NKAIN2: variants seen among roughly 807,000 people sequenced by gnomAD.
NKAIN2 encodes sodium/potassium-transporting ATPase subunit beta-1-interacting protein 2.
A neutral mutation model predicts 32.6 loss-of-function variants in NKAIN2; 14 were observed. That is an observed-to-expected ratio of 0.43 (90% confidence interval 0.28 to 0.67). The LOEUF is 0.67. Among genes scored for constraint, NKAIN2 ranks in the 30% least tolerant of loss-of-function variants. The pLI is 0.17. For missense variants in NKAIN2, 198 were observed against 258.3 expected (o/e 0.77, Z 1.60); for synonymous variants, 80 against 87.2 (o/e 0.92, Z 0.46).
At chr6:124,766,984 T>A (rs9372793) in intron 4 of NKAIN2, among the ~76,000 whole-genome samples, 54,562 of 151,936 alleles carry the variant, frequency 0.36, 10,412 homozygotes, top group East Asian at 0.72. Context: ...AACCTCTGCC[T>A]CCCTGGTTCA....
chr6:123,898,761 TC>T (rs1774411568), intron 1 of NKAIN2, among the ~76,000 whole-genome samples: 1 of 152,124 alleles, frequency 6.6e-6, no homozygotes, highest in Non-Finnish European at 1.5e-5. Flanking sequence ...TAAATTCCTG[TC>T]TTTGGTATTA....
Position 124,798,300 on chromosome 6 carries a change from T to C in NKAIN2, c.535+6901T>C, listed in dbSNP as rs114563523. On this transcript the variant is annotated intron_variant, in intron 5 of 6. Coordinates refer to ENST00000368417, the MANE Select transcript of NKAIN2 (RefSeq NM_001040214.3). ...GAATTGTGAGAAGAATATGTTTATT[T>C]TACTTATCTGGCATCATACTGAAGC... is the stretch of plus-strand genomic sequence containing the variant. Among the ~76,000 whole-genome samples the C allele has an allele frequency of 5.4e-3, 815 of 152,298 alleles. 6 individuals are homozygous for C. The highest frequency in any genetic ancestry group is 0.019 in the African/African-American group (771 of 41,564).
intron 3 of NKAIN2, among the ~76,000 whole-genome samples, chr6:124,499,787 A>G (rs1052671374): frequency 4.6e-5 from 7 of 152,296 alleles, no homozygotes; most frequent in Admixed American, 6.5e-5. Flanking sequence ...GGAATTCCCA[A>G]TACTGCAATT....
chr6:124,556,033 T>C (rs184005474), intron 3 of NKAIN2, among the ~76,000 whole-genome samples: 13 of 151,016 alleles, frequency 8.6e-5, no homozygotes, highest in Admixed American at 5.9e-4. Context: ...CATAAAAACT[T>C]CTTCCAATTC....
intron 3 of NKAIN2, among the ~76,000 whole-genome samples, chr6:124,374,576 A>G (rs552491787): frequency 1.3e-5 from 2 of 152,256 alleles, no homozygotes; most frequent in South Asian, 4.1e-4. Context: ...GACTAGCGAG[A>G]AAGCTTATTT....
chr6:124,741,248 A>G (rs1214960514), intron 4 of NKAIN2, among the ~76,000 whole-genome samples: 17 of 151,672 alleles, frequency 1.1e-4, no homozygotes, highest in Non-Finnish European at 1.5e-5. Context: ...GGATATATTG[A>G]TCTGAGTTCA....
At chr6:123,985,095 C>G (rs1779075191) in intron 1 of NKAIN2, among the ~76,000 whole-genome samples, 1 of 151,972 alleles carries the variant, frequency 6.6e-6, no homozygotes, top group Non-Finnish European at 1.5e-5. Context: ...AGCATAAATT[C>G]TACTGGTAAA....
chr6:124,018,034 T>A (rs143348882), intron 1 of NKAIN2, among the ~76,000 whole-genome samples: 28 of 152,332 alleles, frequency 1.8e-4, no homozygotes, highest in African/African-American at 6.5e-4. Context: ...CCTGGACATT[T>A]AGGCATTTCC....
chr6:124,647,410 G>C (rs1393530733), intron 3 of NKAIN2, among the ~76,000 whole-genome samples: 2 of 140,592 alleles, frequency 1.4e-5, no homozygotes, highest in African/African-American at 2.6e-5. Context: ...AGCCAGACGT[G>C]CTCACTTGAA....
intron 2 of NKAIN2, among the ~76,000 whole-genome samples, chr6:124,340,405 G>T (rs1387367175): frequency 6.6e-6 from 1 of 151,916 alleles, no homozygotes; most frequent in East Asian, 1.9e-4. Flanking sequence ...AGGTTCATGG[G>T]TGCACGTAAA....
intron 1 of NKAIN2, among the ~76,000 whole-genome samples, chr6:124,221,519 C>A (rs1055131034): frequency 6.6e-6 from 1 of 151,656 alleles, no homozygotes; most frequent in East Asian, 1.9e-4. Flanking sequence ...AACTAACCTG[C>A]ACAATGTGCA....
intron 1 of NKAIN2, among the ~76,000 whole-genome samples, chr6:123,910,591 C>CCTCTCAGG (rs1485546691): frequency 6.7e-6 from 1 of 149,646 alleles, no homozygotes; most frequent in African/African-American, 2.5e-5. Context: ...GCAACCTCCG[C>CCTCTCAGG]CTCTCAGGTT....
intron 1 of NKAIN2, among the ~76,000 whole-genome samples, chr6:123,809,475 G>T (rs917389947): frequency 1.3e-5 from 2 of 152,100 alleles, no homozygotes; most frequent in Non-Finnish European, 2.9e-5. Flanking sequence ...GAAGGAACAA[G>T]ATAAACTTCT....
intron 3 of NKAIN2, among the ~76,000 whole-genome samples, chr6:124,566,272 T>C (rs978454989): frequency 2.6e-5 from 4 of 152,358 alleles, no homozygotes; most frequent in Admixed American, 1.3e-4. Context: ...GTAGAGATAT[T>C]GGTCTACTTC....
At chr6:124,488,343 C>T (rs902424450) in intron 3 of NKAIN2, among the ~76,000 whole-genome samples, 14 of 151,934 alleles carry the variant, frequency 9.2e-5, no homozygotes, top group South Asian at 6.2e-4. Context: ...AAGCCATAAC[C>T]GTATCCAGGC....
At chr6:124,019,788 G>A (rs1046398377) in intron 1 of NKAIN2, among the ~76,000 whole-genome samples, 13 of 151,946 alleles carry the variant, frequency 8.6e-5, no homozygotes, top group Non-Finnish European at 8.8e-5. Context: ...GTCTGAAACT[G>A]TAACAAATTC....
chr6:124,355,667 C>A (rs139151308), intron 3 of NKAIN2, among the ~76,000 whole-genome samples: 1 of 152,146 alleles, frequency 6.6e-6, no homozygotes, highest in East Asian at 1.9e-4. Flanking sequence ...TTGAAGATTT[C>A]TGAAATCACT....
chr6:124,657,065 T>C (rs1036860493), intron 3 of NKAIN2, among the ~76,000 whole-genome samples: 2 of 152,220 alleles, frequency 1.3e-5, no homozygotes, highest in Non-Finnish European at 2.9e-5. Flanking sequence ...CCAAAGAAGT[T>C]CTACTTGCAA....
intron 1 of NKAIN2, among the ~76,000 whole-genome samples, chr6:123,834,003 G>T (rs529058651): frequency 6.6e-5 from 10 of 152,146 alleles, no homozygotes; most frequent in Non-Finnish European, 1.3e-4. Context: ...TGGGATTACA[G>T]GTTTGAGCCA....
Sources: allele counts gnomAD v4.1 joint callset (sites outside exome capture counted in the v4.1 genomes callset), GRCh38; gene constraint gnomAD v4.1.1; transcripts MANE v1.5; gene names NCBI Gene and HGNC (gene_info 2026-07-23, HGNC 2026-07-21).